TENM2: variants seen among roughly 807,000 people sequenced by gnomAD.
TENM2 encodes the protein teneurin-2.
TENM2 carries 52 observed loss-of-function variants against 245.2 expected under a neutral mutation model. The ratio of observed to expected loss-of-function variants is 0.21; its 90% confidence interval spans 0.17 to 0.27. The LOEUF (loss-of-function observed/expected upper bound fraction) is 0.27, where lower values mean the gene tolerates loss of function less well. Among genes scored for constraint, TENM2 ranks in the 10% least tolerant of loss-of-function variants. The pLI is 1.00. For missense variants in TENM2, 3,046 were observed against 3,666.8 expected (o/e 0.83, Z 4.37); for synonymous variants, 1,363 against 1,438.9 (o/e 0.95, Z 1.19).
intron 3 of TENM2, among the ~76,000 whole-genome samples, chr5:167,936,484 T>C (rs1165169225): frequency 6.6e-6 from 1 of 152,234 alleles, no homozygotes; most frequent in Non-Finnish European, 1.5e-5. Flanking sequence ...TGGAAACAGA[T>C]TTACCAAGTT....
At chr5:167,489,617 A>G (rs1160584334) in intron 2 of TENM2, among the ~76,000 whole-genome samples, 3 of 152,172 alleles carry the variant, frequency 2.0e-5, no homozygotes, top group Admixed American at 1.3e-4. Flanking sequence ...GATACTCTAC[A>G]GTATGCTAGT....
intron 23 of TENM2, among the ~76,000 whole-genome samples, chr5:168,225,330 ATG>A (rs1426900189): frequency 6.6e-6 from 1 of 152,350 alleles, no homozygotes; most frequent in Admixed American, 6.5e-5. Context: ...CAGGGCATGG[ATG>A]GTCTCAAATG....
At chr5:167,823,234 G>A (rs896475166) in intron 2 of TENM2, among the ~76,000 whole-genome samples, 1 of 152,094 alleles carries the variant, frequency 6.6e-6, no homozygotes, top group Non-Finnish European at 1.5e-5. Flanking sequence ...TTGCAGATTG[G>A]TGGAGCTCTA....
In TENM2 at chr5:167,432,882, G is replaced by A. The variant is rs370369982; in HGVS notation, c.502+57409G>A. 3.3e-5 allele frequency among the ~76,000 whole-genome samples: 5 copies of A among 151,998 alleles called. No individual in the cohort carries two copies. In the East Asian group the frequency reaches 5.8e-4, roughly 18 times the overall value. On this transcript the variant is annotated intron_variant, in intron 2 of 28. Coordinates refer to ENST00000518659, the Ensembl canonical transcript of TENM2. ...GCCCCACCAGCCCTGAAATTTAGACGTTCATAGTATGTACTTTGGTCAAAG... is the reference window on the plus strand; with the variant it reads ...GCCCCACCAGCCCTGAAATTTAGACATTCATAGTATGTACTTTGGTCAAAG...
At chr5:168,206,014 G>T (rs1424188495) in intron 19 of TENM2, among the ~76,000 whole-genome samples, 1 of 152,178 alleles carries the variant, frequency 6.6e-6, no homozygotes, top group Non-Finnish European at 1.5e-5. Flanking sequence ...TATTTTCGAG[G>T]TAAATCTGAT....
At chr5:167,613,417 A>G (rs1055363110) in intron 2 of TENM2, among the ~76,000 whole-genome samples, 2 of 152,160 alleles carry the variant, frequency 1.3e-5, no homozygotes, top group African/African-American at 2.4e-5. Context: ...CTCGTTTACC[A>G]GTGAAGAAAT....
intron 2 of TENM2, among the ~76,000 whole-genome samples, chr5:167,504,611 G>A (rs1276125559): frequency 6.6e-6 from 1 of 152,188 alleles, no homozygotes; most frequent in African/African-American, 2.4e-5. Context: ...GGAGGTGGAA[G>A]ACCAGGAAGA....
chr5:167,262,347 T>C, the TENM2 span, among the ~76,000 whole-genome samples: 1 of 143,342 alleles, frequency 7.0e-6, no homozygotes, highest in East Asian at 2.1e-4. Context: ...AACAAGAGTG[T>C]AACCCCATCT....
At chr5:167,273,317 A>G in the TENM2 span, among the ~76,000 whole-genome samples, 1 of 152,150 alleles carries the variant, frequency 6.6e-6, no homozygotes, top group African/African-American at 2.4e-5. Context: ...CCATCCGGTG[A>G]TGGCCATTTG....
At chr5:167,727,210 T>C (rs1259595827) in intron 2 of TENM2, among the ~76,000 whole-genome samples, 3 of 149,506 alleles carry the variant, frequency 2.0e-5, no homozygotes, top group Non-Finnish European at 3.0e-5. Context: ...CCCGGGTTCA[T>C]GCCATTCTCC....
chr5:167,499,309 A>T (rs1380733863), intron 2 of TENM2, among the ~76,000 whole-genome samples: 2 of 152,160 alleles, frequency 1.3e-5, no homozygotes, highest in African/African-American at 4.8e-5. Flanking sequence ...AGCAAAGGGG[A>T]ACTTAGTGGA....
intron 5 of TENM2, among the ~76,000 whole-genome samples, chr5:168,013,236 A>G (rs1360348785): frequency 6.6e-6 from 1 of 152,200 alleles, no homozygotes; most frequent in Non-Finnish European, 1.5e-5. Context: ...GAAGATGATA[A>G]GGGAAACGAG....
chr5:167,564,923 A>G (rs1425575558), intron 2 of TENM2, among the ~76,000 whole-genome samples: 1 of 152,254 alleles, frequency 6.6e-6, no homozygotes, highest in Admixed American at 6.5e-5. Context: ...GGCCAATCCC[A>G]GAGTCAGTAT....
the TENM2 span, among the ~76,000 whole-genome samples, chr5:167,137,171 A>G: frequency 2.6e-5 from 4 of 152,122 alleles, no homozygotes; most frequent in Non-Finnish European, 5.9e-5. Context: ...TTTCTTCCCA[A>G]AGGTTCAAAT....
intron 2 of TENM2, among the ~76,000 whole-genome samples, chr5:167,412,959 T>G (rs1762984737): frequency 6.6e-6 from 1 of 151,966 alleles, no homozygotes; most frequent in African/African-American, 2.4e-5. Context: ...AGCATGAGTA[T>G]TTGAGCCCCT....
chr5:168,181,539 G>T (rs1421721247), intron 13 of TENM2, among the ~76,000 whole-genome samples: 1 of 152,192 alleles, frequency 6.6e-6, no homozygotes, highest in Non-Finnish European at 1.5e-5. Flanking sequence ...CATAAGAAAG[G>T]CCAGAAGGTG....
At chr5:167,079,617 A>G in the TENM2 span, among the ~76,000 whole-genome samples, 1 of 151,294 alleles carries the variant, frequency 6.6e-6, no homozygotes, top group African/African-American at 2.4e-5. Flanking sequence ...CCGGCCTAAT[A>G]TATATTATAT....
At chr5:168,051,142 G>A (rs544786722) in intron 6 of TENM2, among the ~76,000 whole-genome samples, 41 of 152,240 alleles carry the variant, frequency 2.7e-4, no homozygotes, top group Admixed American at 4.6e-4. Flanking sequence ...TTTAAAGGGC[G>A]CATCATACGT....
intron 2 of TENM2, among the ~76,000 whole-genome samples, chr5:167,634,931 A>AT (rs1243490671): frequency 2.0e-5 from 3 of 152,114 alleles, no homozygotes; most frequent in African/African-American, 7.2e-5. Context: ...TTAAGCATTG[A>AT]TTTTCAGTTG....
Sources: allele counts gnomAD v4.1 joint callset (sites outside exome capture counted in the v4.1 genomes callset), GRCh38; gene constraint gnomAD v4.1.1; transcripts MANE v1.5; gene names NCBI Gene and HGNC (gene_info 2026-07-23, HGNC 2026-07-21).